Variants in OTOGL observed in about 807,000 individuals in gnomAD.
OTOGL encodes the protein otogelin like.
A neutral mutation model predicts 318.5 loss-of-function variants in OTOGL; 285 were observed. The observed-to-expected ratio is 0.89, with a 90% confidence interval of 0.81 to 0.99. OTOGL has a LOEUF of 0.99. OTOGL is among the 50% of genes least tolerant of loss of function. OTOGL has a pLI of 0.00. For synonymous variants in OTOGL, 987 were observed against 936.5 expected, an observed-to-expected ratio of 1.05 and a Z score of -0.99; for missense variants, 2,899 against 2,845.6, an observed-to-expected ratio of 1.02 and a Z score of -0.43.
At chr12:80,280,176 C>G (rs762898479) in intron 26 of OTOGL, among the ~76,000 whole-genome samples, 1 of 151,392 alleles carries the variant, frequency 6.6e-6, no homozygotes, top group Non-Finnish European at 1.5e-5. Context: ...GTTTAAGTTC[C>G]TTGTAGATTC....
At chr12:80,100,941 A>T (rs547872146) in intron 1 of OTOGL, among the ~76,000 whole-genome samples, 7 of 152,182 alleles carry the variant, frequency 4.6e-5, no homozygotes, top group African/African-American at 1.7e-4. Flanking sequence ...GGCTTAGTAT[A>T]TTAAGGAATT....
At chr12:80,316,357 C>A (rs1311929582) in intron 32 of OTOGL, among the ~76,000 whole-genome samples, 1 of 152,190 alleles carries the variant, frequency 6.6e-6, no homozygotes, top group Non-Finnish European at 1.5e-5. Context: ...CAATCTCCAT[C>A]TGTGCCTTTG....
chr12:80,239,812 A>T (rs139065417), intron 11 of OTOGL, among the ~76,000 whole-genome samples: 2 of 151,956 alleles, frequency 1.3e-5, no homozygotes, highest in South Asian at 4.1e-4. Context: ...CTACTTTTCT[A>T]TCCAACACCA....
chr12:80,332,115 G>A (rs1888111292), intron 37 of OTOGL, among the ~76,000 whole-genome samples: 1 of 152,058 alleles, frequency 6.6e-6, no homozygotes, highest in Admixed American at 6.6e-5. Context: ...TGATTTTAGG[G>A]CTTCTTTTGT....
intron 1 of OTOGL, chr12:80,103,178 G>T: frequency 3.0e-6 from 4 of 1,350,734 alleles, no homozygotes; most frequent in Non-Finnish European, 4.2e-6. Context: ...GAACTTCATC[G>T]TCCTTTCGGA....
chr12:80,232,870 A>G (rs1007764832), intron 8 of OTOGL, 22 bp from the exon 9 acceptor site: 4 of 1,551,136 alleles, frequency 2.6e-6, no homozygotes, highest in East Asian at 2.2e-5. Flanking sequence ...ATTCTTAGAT[A>G]GCTTTTGTTC....
rs568772051 is a variant in OTOGL, at chr12:80,284,741, G to T, written c.2928+5575G>T. Among the ~76,000 whole-genome samples the T allele has an allele frequency of 5.3e-5, 8 of 152,148 alleles. No homozygotes were observed. The South Asian group carries it at 1.7e-3, about 32-fold the overall frequency. On this transcript the variant is annotated intron_variant, in intron 26 of 58. Transcript: ENST00000547103. ...TGATGGGGTTGTTTGTCTTTTCCTA[G>T]TAAATTTGTTTAAGTTCCTTGTAGA...
intron 29 of OTOGL, among the ~76,000 whole-genome samples, chr12:80,307,336 C>G (rs1426614510): frequency 1.3e-5 from 2 of 151,772 alleles, no homozygotes; most frequent in Admixed American, 6.6e-5. Context: ...ACCTCCCAGA[C>G]GGGGTGGTGG....
chr12:80,222,095 A>C lies in OTOGL; in HGVS notation c.339A>C (p.Pro113=), dbSNP rs1025692954. The change falls in exon 7 of 59, where the codon CCA becomes CCC. Residue 113 remains proline, a synonymous_variant. Coordinates refer to ENST00000547103, the MANE Select transcript of OTOGL (RefSeq NM_001378609.3). ...TATTATCCTGTTTCTTTTCAGTCCC[A>C]AACATGGGCAACGGCAGAGATGGGA... ...QALGTRCQII[P]NMGNGRDGIC... is the part of the protein sequence containing the mutation. 2.5e-6 allele frequency: 4 copies of C among 1,597,314 alleles called. No individual in the cohort carries two copies. The highest frequency in any genetic ancestry group is 2.5e-6 in the Non-Finnish European group (3 of 1,178,730).
rs1442803894 is a variant in OTOGL, at chr12:80,198,605, T to TAATAAC, written c.-19-10806_-19-10805insTAACAA. ...CTCCAAATAATAATAATAATAATAA[T>TAATAAC]AACAACCTGTATCCTTCTAAATAAA... On this transcript the variant is annotated intron_variant, in intron 1 of 58. Coordinates refer to ENST00000547103, the MANE Select transcript of OTOGL (RefSeq NM_001378609.3). Among the ~76,000 whole-genome samples the TAATAAC allele has an allele frequency of 5.3e-5, 8 of 152,090 alleles. No individual in the cohort carries two copies. In the East Asian group the frequency reaches 1.5e-3, roughly 29 times the overall value.
rs368168134 is a variant in OTOGL, at chr12:80,358,684, C to A, written c.6135C>A (p.Asn2045Lys). 2.5e-6 allele frequency: 4 copies of A among 1,611,696 alleles called. No individual in the cohort carries two copies. Among genetic ancestry groups the A allele is most frequent in the South Asian group, 2.2e-5 (2 of 90,884 alleles). ...TTTTCTTTTTAGTATGTGAACCAAACCTTTGTCCTATGCCATTACTCAACT... is the reference window on the plus strand; with the variant it reads ...TTTTCTTTTTAGTATGTGAACCAAAACTTTGTCCTATGCCATTACTCAACT... ...CPQYYCVCEP[N>K]LCPMPLLNCA... The change falls in exon 51 of 59, where the codon AAC becomes AAA. Residue 2045 changes from asparagine (N) to lysine (K), a missense_variant. Transcript: ENST00000547103.
chr12:80,360,260 AT>A (rs1372418563), intron 52 of OTOGL, among the ~76,000 whole-genome samples: 4 of 151,676 alleles, frequency 2.6e-5, no homozygotes, highest in South Asian at 2.1e-4. Context: ...AAATTTCTTA[AT>A]TTTTTTTCCC....
At chr12:80,153,774 C>T (rs959600228) in intron 1 of OTOGL, among the ~76,000 whole-genome samples, 1 of 152,176 alleles carries the variant, frequency 6.6e-6, no homozygotes, top group East Asian at 1.9e-4. Flanking sequence ...ATAGTTTTGC[C>T]TTTCCCAGAA....
In OTOGL at chr12:80,323,786, C is replaced by T. The variant is rs762441417; in HGVS notation, c.4145C>T (p.Pro1382Leu). 9.3e-6 allele frequency: 15 copies of T among 1,613,690 alleles called. No homozygotes were observed. Among genetic ancestry groups the T allele is most frequent in the Non-Finnish European group, 1.3e-5 (15 of 1,179,754 alleles). Residue 1382 changes from proline to leucine, a missense_variant, in exon 35 of 59, where the codon CCC (proline) becomes CTC (leucine). Physicochemically the swap from Pro to Leu is moderately conservative, Grantham distance 98 (BLOSUM62 -3). Transcript: ENST00000547103. ...CEWRYEPCATPCFKTCSDPEA... is the reference protein window; with the variant it reads ...CEWRYEPCATLCFKTCSDPEA... ...TGGAGATATGAACCTTGTGCTACAC[C>T]CTGTTTTAAAACATGTAGTGACCCT...
intron 1 of OTOGL, among the ~76,000 whole-genome samples, chr12:80,178,452 A>G (rs926058817): frequency 1.3e-5 from 2 of 151,952 alleles, no homozygotes; most frequent in African/African-American, 4.8e-5. Context: ...TCAAATGAAT[A>G]CTCAAGAGGC....
At chr12:80,221,992 AT>A in intron 6 of OTOGL, 98 bp from the exon 7 acceptor site, 1 of 1,328,124 alleles carries the variant, frequency 7.5e-7, no homozygotes, top group Middle Eastern at 1.9e-4. Context: ...AAGGAAGGAA[AT>A]TTGAATGAAA....
At chr12:80,240,520 C>G (rs915573235) in intron 11 of OTOGL, among the ~76,000 whole-genome samples, 1 of 152,068 alleles carries the variant, frequency 6.6e-6, no homozygotes, top group African/African-American at 2.4e-5. Flanking sequence ...AATCTAATAA[C>G]TACTGCAGTT....
At chr12:80,161,354 T>TA (rs1873506216) in intron 1 of OTOGL, among the ~76,000 whole-genome samples, 1 of 152,068 alleles carries the variant, frequency 6.6e-6, no homozygotes, top group Admixed American at 6.6e-5. Flanking sequence ...ATATAAATTA[T>TA]AAAAAATTAC....
chr12:80,365,364 C>T (rs1357614054), intron 52 of OTOGL, among the ~76,000 whole-genome samples: 4 of 151,918 alleles, frequency 2.6e-5, no homozygotes, highest in African/African-American at 9.7e-5. Flanking sequence ...AGAGGTATTT[C>T]CTTTTGGTCA....
Sources: allele counts gnomAD v4.1 joint callset (sites outside exome capture counted in the v4.1 genomes callset), GRCh38; gene constraint gnomAD v4.1.1; transcripts MANE v1.5; gene names NCBI Gene and HGNC (gene_info 2026-07-23, HGNC 2026-07-21).